Variants in MARCHF11 observed in about 807,000 individuals in gnomAD.
MARCHF11 encodes E3 ubiquitin-protein ligase MARCHF11.
MARCHF11 carries 29 observed loss-of-function variants against 37.3 expected under a neutral mutation model. The observed-to-expected ratio is 0.78, with a 90% CI of 0.58 to 1.06. The LOEUF is 1.06. MARCHF11 is among the 50% of genes least tolerant of loss of function. MARCHF11 has a pLI of 0.00. For synonymous variants in MARCHF11, 233 were observed against 228.0 expected, an observed-to-expected ratio of 1.02 and a Z score of -0.20; for missense variants, 482 against 533.4, an observed-to-expected ratio of 0.90 and a Z score of 0.95.
At chr5:16,082,787 G>A (rs72738249) in intron 3 of MARCHF11, among the ~76,000 whole-genome samples, 2,069 of 152,176 alleles carry the variant, frequency 0.014, 20 homozygotes, top group Non-Finnish European at 0.022. Flanking sequence ...CATTCTTCAC[G>A]TGCCCCATGA....
intron 2 of MARCHF11, among the ~76,000 whole-genome samples, chr5:16,147,221 T>C (rs1182671394): frequency 6.6e-6 from 1 of 152,152 alleles, no homozygotes; most frequent in Non-Finnish European, 1.5e-5. Flanking sequence ...TTAGTCTCTA[T>C]GCTCAAACTA....
chr5:16,113,063 T>G (rs1737173901), intron 2 of MARCHF11, among the ~76,000 whole-genome samples: 1 of 152,150 alleles, frequency 6.6e-6, no homozygotes, highest in African/African-American at 2.4e-5. Context: ...AGCATGAATT[T>G]TATGGTACTC....
At chr5:16,178,949 A>C (rs549639843) in intron 1 of MARCHF11, 90 bp downstream of exon 1, 1 of 1,322,026 alleles carries the variant, frequency 7.6e-7, no homozygotes, top group African/African-American at 1.5e-5. Context: ...GCAAACTGGG[A>C]GGTAGGCGTG....
intron 2 of MARCHF11, among the ~76,000 whole-genome samples, chr5:16,103,123 A>AG (rs1378443859): frequency 1.3e-5 from 2 of 151,994 alleles, no homozygotes; most frequent in Non-Finnish European, 1.5e-5. Context: ...AAAAAAAAAA[A>AG]CAAAACTCCA....
chr5:16,081,853 A>AGGG (rs1179318310), intron 3 of MARCHF11, among the ~76,000 whole-genome samples: 1 of 152,220 alleles, frequency 6.6e-6, no homozygotes, highest in Non-Finnish European at 1.5e-5. Context: ...GGGGCCTTAA[A>AGGG]GGGTTAACTA....
intron 2 of MARCHF11, among the ~76,000 whole-genome samples, chr5:16,107,536 A>G (rs75227868): frequency 0.012 from 1,768 of 152,266 alleles, 14 homozygotes; most frequent in South Asian, 0.039. Context: ...AGCTACAACA[A>G]TATTAAATGT....
rs1021449952 is a variant in MARCHF11 at position 16,076,001 on chromosome 5, T to C, written c.887-8208A>G. Among the ~76,000 whole-genome samples the C allele has an allele frequency of 2.6e-5, 4 of 152,382 alleles. No individual in the cohort carries two copies. In the East Asian group the frequency reaches 7.7e-4, roughly 29 times the overall value. On this transcript the variant is annotated intron_variant, in intron 3 of 3. Coordinates refer to ENST00000332432, the MANE Select transcript of MARCHF11 (RefSeq NM_001102562.3). The stretch of plus-strand genomic sequence containing the variant: ...CTGTATCAATCACAAACTGAGATAC[T>C]GGGCTGTGCCCAGGCCTAAAACCTA...
chr5:16,163,963 G>C (rs1351980265), intron 2 of MARCHF11, among the ~76,000 whole-genome samples: 1 of 152,000 alleles, frequency 6.6e-6, no homozygotes, highest in African/African-American at 2.4e-5. Flanking sequence ...TGAGGACACA[G>C]TGTCTGTCCC....
intron 2 of MARCHF11, among the ~76,000 whole-genome samples, chr5:16,168,856 A>G (rs1259580476): frequency 6.6e-6 from 1 of 152,134 alleles, no homozygotes; most frequent in Non-Finnish European, 1.5e-5. Context: ...TATTTCCTCT[A>G]TTTAAAAAAA....
chr5:16,087,483 A>G (rs896435115), intron 3 of MARCHF11, among the ~76,000 whole-genome samples: 1 of 152,216 alleles, frequency 6.6e-6, no homozygotes, highest in Non-Finnish European at 1.5e-5. Flanking sequence ...ATCTGTGTCT[A>G]ATATAATAGT....
chr5:16,082,533 G>A (rs1284287867), intron 3 of MARCHF11, among the ~76,000 whole-genome samples: 2 of 152,144 alleles, frequency 1.3e-5, no homozygotes, highest in Non-Finnish European at 2.9e-5. Context: ...GGAGAAGAAT[G>A]TTCCTGTCCT....
intron 2 of MARCHF11, among the ~76,000 whole-genome samples, chr5:16,151,674 TG>T (rs1737893629): frequency 6.7e-6 from 1 of 150,096 alleles, no homozygotes; most frequent in African/African-American, 2.5e-5. Flanking sequence ...TGTGTGTGTG[TG>T]TGTGTGTGTG....
intron 2 of MARCHF11, among the ~76,000 whole-genome samples, chr5:16,168,718 CACAA>C (rs970674971): frequency 2.0e-5 from 3 of 151,980 alleles, no homozygotes; most frequent in African/African-American, 7.3e-5. Flanking sequence ...CTCATTCCCA[CACAA>C]AAGATGAGAG....
intron 2 of MARCHF11, among the ~76,000 whole-genome samples, chr5:16,094,175 T>C (rs932843632): frequency 3.3e-5 from 5 of 152,136 alleles, no homozygotes; most frequent in African/African-American, 1.2e-4. Flanking sequence ...ACATCTACCA[T>C]TATGTGCAAA....
intron 3 of MARCHF11, among the ~76,000 whole-genome samples, chr5:16,086,988 T>C (rs958190604): frequency 6.6e-6 from 1 of 152,184 alleles, no homozygotes; most frequent in Non-Finnish European, 1.5e-5. Flanking sequence ...TCTTTTTTAG[T>C]GGGAAGCCAA....
intron 2 of MARCHF11, among the ~76,000 whole-genome samples, chr5:16,103,293 G>C (rs1359580608): frequency 2.0e-5 from 3 of 152,182 alleles, no homozygotes; most frequent in Admixed American, 6.5e-5. Flanking sequence ...TAGGTGGAGA[G>C]ACAGCAGAGG....
At chr5:16,115,248 G>A (rs1183618402) in intron 2 of MARCHF11, among the ~76,000 whole-genome samples, 1 of 152,186 alleles carries the variant, frequency 6.6e-6, no homozygotes, top group Non-Finnish European at 1.5e-5. Flanking sequence ...TGCCTTCTCA[G>A]TCCTTAATTC....
At chr5:16,091,184 T>C in intron 2 of MARCHF11, 103 bp from the exon 3 acceptor site, 1 of 788,134 alleles carries the variant, frequency 1.3e-6, no homozygotes, top group Non-Finnish European at 1.8e-6. Flanking sequence ...TTAGACCCTT[T>C]GAAATCTGAT....
In MARCHF11 at chr5:16,106,606, T is replaced by G. The variant is rs73044647; in HGVS notation, c.694-15525A>C. On this transcript the variant is annotated intron_variant, in intron 2 of 3. Coordinates refer to ENST00000332432, the MANE Select transcript of MARCHF11 (RefSeq NM_001102562.3). ...CAAAAACCACTTTAGCTTCTAATTCTAGTCCAGTCATTCTCAACCAAGGGT... is the reference window on the plus strand; with the variant it reads ...CAAAAACCACTTTAGCTTCTAATTCGAGTCCAGTCATTCTCAACCAAGGGT... Among the ~76,000 whole-genome samples the G allele has an allele frequency of 8.6e-3, 1,303 of 152,330 alleles. 25 individuals carry two copies. The highest frequency in any genetic ancestry group is 0.03 in the African/African-American group (1,228 of 41,578).
Sources: allele counts gnomAD v4.1 joint callset (sites outside exome capture counted in the v4.1 genomes callset), GRCh38; gene constraint gnomAD v4.1.1; transcripts MANE v1.5; gene names NCBI Gene and HGNC (gene_info 2026-07-23, HGNC 2026-07-21).